The following ABCG2 variants were observed in gnomAD, a reference collection of about 807,000 sequenced individuals.
The protein encoded by ABCG2 is broad substrate specificity ATP-binding cassette transporter ABCG2.
Under a neutral mutation model 73.5 loss-of-function variants are expected in ABCG2, and 80 were observed. That is an observed-to-expected ratio of 1.09 (90% CI 0.91 to 1.31). ABCG2 has a LOEUF of 1.31. Among genes scored for constraint, ABCG2 ranks in the 50% most tolerant of loss-of-function variants. The pLI is 0.00. For missense variants in ABCG2, 796 were observed against 786.2 expected (o/e 1.01, Z -0.15); for synonymous variants, 269 against 282.4 (o/e 0.95, Z 0.48).
chr4:88,137,639 C>T (rs1201331186), intron 2 of ABCG2, among the ~76,000 whole-genome samples: 1 of 152,164 alleles, frequency 6.6e-6, no homozygotes, highest in Non-Finnish European at 1.5e-5. Flanking sequence ...TTGGCTCCTC[C>T]TGGACAATGT....
intron 1 of ABCG2, among the ~76,000 whole-genome samples, chr4:88,207,978 C>T (rs1406716387): frequency 6.6e-6 from 1 of 152,148 alleles, no homozygotes; most frequent in Non-Finnish European, 1.5e-5. Flanking sequence ...TAAGACTCTG[C>T]TTTTTCTTAG....
intron 1 of ABCG2, among the ~76,000 whole-genome samples, chr4:88,143,116 T>C (rs1725751297): frequency 6.6e-6 from 1 of 152,132 alleles, no homozygotes; most frequent in Admixed American, 6.5e-5. Flanking sequence ...TTAAAGTATA[T>C]GGAACAATGC....
At chr4:88,167,237 T>C (rs1727560624) in intron 1 of ABCG2, among the ~76,000 whole-genome samples, 1 of 152,048 alleles carries the variant, frequency 6.6e-6, no homozygotes, top group African/African-American at 2.4e-5. Context: ...CTGAGTTTCC[T>C]GTGTCCTTGC....
Position 88,118,179 on chromosome 4 carries a change from G to T in ABCG2, c.771C>A (p.Thr257=). Residue 257 remains threonine (T), a synonymous_variant, in exon 7 of 16, where the codon ACC becomes ACA. Transcript: ENST00000237612. ...YSIFKLFDSL[T]LLASGRLMFH... ...ACATAAGTCTTCCTGAGGCCAATAA[G>T]GTGAGGCTATCAAACAACTTGAAGA... The T allele has an allele frequency of 6.2e-7, 1 of 1,614,142 alleles. No individual in the cohort carries two copies. The highest frequency in any genetic ancestry group is 8.5e-7 in the Non-Finnish European group (1 of 1,180,004).
chr4:88,100,765 T>C (rs1415591283), intron 11 of ABCG2, among the ~76,000 whole-genome samples: 1 of 152,118 alleles, frequency 6.6e-6, no homozygotes, highest in East Asian at 1.9e-4. Flanking sequence ...GGGCTAAGCA[T>C]GGTCACGTTC....
intron 5 of ABCG2, 48 bp downstream of exon 5, chr4:88,131,013 A>G (rs1341093136): frequency 2.5e-6 from 4 of 1,598,208 alleles, no homozygotes; most frequent in South Asian, 1.1e-5. Flanking sequence ...CCACACAGGG[A>G]AAGTCCTACT....
rs115112356 is a variant in ABCG2 at position 88,156,726 on chromosome 4, T to C, written c.-20+1660A>G. Among the ~76,000 whole-genome samples the C allele has an allele frequency of 3.2e-3, 484 of 152,136 alleles. 4 individuals are homozygous for C. Among genetic ancestry groups the C allele is most frequent in the African/African-American group, 0.011 (448 of 41,496 alleles). On this transcript the variant is annotated intron_variant, in intron 1 of 15. Coordinates refer to ENST00000237612, the MANE Select transcript of ABCG2 (RefSeq NM_004827.3). The stretch of plus-strand genomic sequence containing the variant: ...GGATGCTTAAATTAATGAATAAAAG[T>C]TTAAGGAAAAATGGCAGTGCAGGTT...
At chr4:88,175,663 T>C (rs76959228) in intron 1 of ABCG2, among the ~76,000 whole-genome samples, 6,121 of 152,348 alleles carry the variant, frequency 0.04, 180 homozygotes, top group Middle Eastern at 0.061. Context: ...GTTACTCTTA[T>C]TGATTCCCAA....
chr4:88,229,607 G>A (rs992924317), intron 1 of ABCG2, among the ~76,000 whole-genome samples: 1 of 152,116 alleles, frequency 6.6e-6, no homozygotes, highest in Non-Finnish European at 1.5e-5. Flanking sequence ...CCAGGATAGG[G>A]TTCCTTTTAT....
At chr4:88,140,687 T>C (rs1412913312) in intron 1 of ABCG2, among the ~76,000 whole-genome samples, 1 of 152,132 alleles carries the variant, frequency 6.6e-6, no homozygotes, top group African/African-American at 2.4e-5. Context: ...ATCATTATTA[T>C]CAAAAGGGGC....
chr4:88,168,359 C>A (rs758295291), intron 1 of ABCG2, among the ~76,000 whole-genome samples: 1 of 151,814 alleles, frequency 6.6e-6, no homozygotes, highest in South Asian at 2.1e-4. Context: ...TGGTGGCATG[C>A]GCCTGTAGTC....
At chr4:88,113,166 G>C in intron 9 of ABCG2, 137 bp downstream of exon 9, 2 of 1,192,804 alleles carry the variant, frequency 1.7e-6, no homozygotes, top group Non-Finnish European at 2.4e-6. Context: ...TTGTTCTGCT[G>C]ACTGGTTCTA....
intron 10 of ABCG2, among the ~76,000 whole-genome samples, chr4:88,101,742 A>G (rs1023427059): frequency 2.0e-5 from 3 of 151,950 alleles, no homozygotes; most frequent in African/African-American, 7.3e-5. Context: ...CACACAAGGA[A>G]CAGCAAGGAG....
At chr4:88,092,526 G>A in intron 15 of ABCG2, 145 bp from the exon 16 acceptor site, 1 of 840,710 alleles carries the variant, frequency 1.2e-6, no homozygotes. Context: ...AACAGTCATT[G>A]TGTGTTTACA....
At chr4:88,108,510 C>T (rs958185544) in intron 9 of ABCG2, among the ~76,000 whole-genome samples, 2 of 151,724 alleles carry the variant, frequency 1.3e-5, no homozygotes, top group African/African-American at 4.8e-5. Flanking sequence ...CCAGCCTGGG[C>T]GACAGAGCGA....
intron 10 of ABCG2, among the ~76,000 whole-genome samples, chr4:88,105,352 C>G (rs561815527): frequency 2.0e-5 from 3 of 152,308 alleles, no homozygotes; most frequent in African/African-American, 7.2e-5. Context: ...CTCTAAATCA[C>G]TGGGTGGTAA....
At chr4:88,107,734 A>T (rs1722855052) in intron 9 of ABCG2, among the ~76,000 whole-genome samples, 1 of 152,260 alleles carries the variant, frequency 6.6e-6, no homozygotes, top group South Asian at 2.1e-4. Context: ...TGAAAACAGG[A>T]TATCTTTATT....
intron 1 of ABCG2, among the ~76,000 whole-genome samples, chr4:88,148,210 A>G (rs1004006965): frequency 3.9e-5 from 6 of 152,194 alleles, no homozygotes; most frequent in African/African-American, 1.4e-4. Context: ...CACTGGTTCC[A>G]CAGGGCTGCT....
chr4:88,097,218 A>C (rs1722041491), intron 13 of ABCG2, among the ~76,000 whole-genome samples: 1 of 152,194 alleles, frequency 6.6e-6, no homozygotes, highest in Admixed American at 6.5e-5. Flanking sequence ...CATTAGTAAC[A>C]ATATTAACTA....
Sources: gnomAD v4.1 joint callset for allele counts (sites outside exome capture counted in the v4.1 genomes callset) on GRCh38, gnomAD v4.1.1 for gene constraint, MANE v1.5 for transcripts, NCBI Gene and HGNC (gene_info 2026-07-23, HGNC 2026-07-21) for gene names.